Variants in SF3B3 observed in about 807,000 individuals in gnomAD.
The protein encoded by SF3B3 is splicing factor 3b subunit 3.
SF3B3 carries 33 observed loss-of-function variants against 139.2 expected under a neutral mutation model. The ratio of observed to expected loss-of-function variants is 0.24; its 90% CI spans 0.18 to 0.32. The LOEUF is 0.32. Among genes scored for constraint, SF3B3 ranks in the 10% least tolerant of loss-of-function variants. The pLI, the probability that SF3B3 is intolerant of heterozygous loss-of-function variation, is 1.00. For synonymous variants in SF3B3, 596 were observed against 563.6 expected, an observed-to-expected ratio of 1.06 and a Z score of -0.81; for missense variants, 818 against 1,509.4, an observed-to-expected ratio of 0.54 and a Z score of 7.59.
At chr16:70,527,420 A>G (rs1223877685) in intron 2 of SF3B3, among the ~76,000 whole-genome samples, 1 of 152,192 alleles carries the variant, frequency 6.6e-6, no homozygotes, top group African/African-American at 2.4e-5. Flanking sequence ...GAGGTTCATG[A>G]TTGTGTAGAG....
chr16:70,542,334 A>G (rs2050226770), intron 9 of SF3B3, among the ~76,000 whole-genome samples: 1 of 152,228 alleles, frequency 6.6e-6, no homozygotes, highest in Non-Finnish European at 1.5e-5. Flanking sequence ...TAATTTTACC[A>G]CAGTTCCTCT....
At chr16:70,530,968 T>G (rs2050115293) in intron 4 of SF3B3, 51 bp downstream of exon 4, 6 of 1,531,176 alleles carry the variant, frequency 3.9e-6, no homozygotes, top group Non-Finnish European at 5.3e-6. Context: ...TCAGTGTTTT[T>G]TTTTAAGATT....
At chr16:70,530,084 C>G (rs895561429) in intron 3 of SF3B3, among the ~76,000 whole-genome samples, 4 of 151,160 alleles carry the variant, frequency 2.6e-5, no homozygotes, top group African/African-American at 7.3e-5. Flanking sequence ...CGAGATAGCG[C>G]TACTGCACTC....
At chr16:70,545,203 A>G (rs761328973) in intron 10 of SF3B3, among the ~76,000 whole-genome samples, 36 of 152,154 alleles carry the variant, frequency 2.4e-4, no homozygotes, top group Non-Finnish European at 4.6e-4. Context: ...ATAACTGGGG[A>G]CTGCAGGCAC....
chr16:70,533,042 A>G (rs1009729296), intron 5 of SF3B3, among the ~76,000 whole-genome samples: 2 of 152,234 alleles, frequency 1.3e-5, no homozygotes, highest in African/African-American at 2.4e-5. Context: ...GACGATTACC[A>G]GATTGATCCA....
chr16:70,553,032 G>A (rs770063610), intron 11 of SF3B3, among the ~76,000 whole-genome samples: 4 of 152,018 alleles, frequency 2.6e-5, no homozygotes, highest in Non-Finnish European at 5.9e-5. Flanking sequence ...TCAGCCTCCC[G>A]AGTAGTTGGA....
intron 17 of SF3B3, among the ~76,000 whole-genome samples, chr16:70,563,106 T>C (rs918379124): frequency 2.0e-5 from 3 of 151,524 alleles, no homozygotes; most frequent in Non-Finnish European, 2.9e-5. Flanking sequence ...TAGCTGGGAC[T>C]ACAGGCGTGC....
intron 5 of SF3B3, among the ~76,000 whole-genome samples, chr16:70,533,010 A>G (rs957118475): frequency 6.6e-6 from 1 of 152,224 alleles, no homozygotes; most frequent in Non-Finnish European, 1.5e-5. Context: ...GAAAACTTAA[A>G]CAAAATAGAA....
At position 70,529,037 on chromosome 16, in the gene SF3B3, G is replaced by A; in HGVS notation, c.235G>A (p.Val79Ile). The part of the protein sequence containing the change: ...RLTGGTKDYI[V>I]VGSDSGRIVI... ...GACAGGTGGCACCAAAGACTACATT[G>A]TAGTTGGCAGTGACTCTGGTCGAAT... The change falls in exon 3 of 26, where the codon GTA (valine) becomes ATA (isoleucine). Residue 79 changes from valine (V) to isoleucine (I), a missense_variant. Around this residue, in one of 14 missense-constraint regions of SF3B3, gnomAD observed 144 missense variants for 259.2 expected, o/e 0.56. Coordinates refer to ENST00000302516, the MANE Select transcript of SF3B3 (RefSeq NM_012426.5). 6.2e-7 allele frequency: 1 copy of A among 1,614,206 alleles called. No homozygotes were observed. Among genetic ancestry groups the A allele is most frequent in the Non-Finnish European group, 8.5e-7 (1 of 1,180,028 alleles).
chr16:70,525,720 C>T (rs576349687), intron 1 of SF3B3, among the ~76,000 whole-genome samples: 49 of 152,070 alleles, frequency 3.2e-4, no homozygotes, highest in African/African-American at 9.2e-4. Context: ...GTAATCCTAG[C>T]ACTTTGGGAG....
intron 14 of SF3B3, 23 bp downstream of exon 14, chr16:70,556,357 A>C (rs764002813): frequency 6.2e-7 from 1 of 1,613,896 alleles, no homozygotes; most frequent in Non-Finnish European, 8.5e-7. Flanking sequence ...CTGAGCTTCA[A>C]GGATCATCTG....
intron 23 of SF3B3, among the ~76,000 whole-genome samples, 171 bp downstream of exon 23, chr16:70,569,312 G>A (rs1490082322): frequency 2.6e-5 from 4 of 152,176 alleles, no homozygotes; most frequent in African/African-American, 9.7e-5. Context: ...GGAGAGTAGC[G>A]AGTTTCTTAG....
chr16:70,565,464 G>T lies in SF3B3; in HGVS notation c.2766G>T (p.Gly922=), dbSNP rs1426617817. The change falls in exon 20 of 26, where the codon GGG becomes GGT. Residue 922 remains glycine, a synonymous_variant. Coordinates refer to ENST00000302516, the MANE Select transcript of SF3B3 (RefSeq NM_012426.5). ...TACTAAACCCCCGATCTGTGGCAGG[G>T]GGCTTCGTCTATACTTACAAGCTTG... The part of the protein sequence containing the change: ...DLILNPRSVA[G]GFVYTYKLVN... 5 of 1,614,062 alleles carry T rather than the reference G, an allele frequency of 3.1e-6. No individual in the cohort carries two copies. Among genetic ancestry groups the T allele is most frequent in the Non-Finnish European group, 4.2e-6 (5 of 1,180,042 alleles).
chr16:70,554,610 A>C lies in SF3B3; in HGVS notation c.1554+13A>C. The C allele has an allele frequency of 6.2e-7, 1 of 1,613,958 alleles. No homozygotes were observed. The highest frequency in any genetic ancestry group is 1.3e-5 in the African/African-American group (1 of 75,038). ...TGCCTTGGTGCAGGTGAGGGTTCTC[A>C]GAGCTTACCTACTTGGCCTGCTTTG... On this transcript the variant is annotated intron_variant, in intron 12 of 25. Transcript: ENST00000302516.
At chr16:70,567,261 C>T in intron 20 of SF3B3, 150 bp from the exon 21 acceptor site, 1 of 812,306 alleles carries the variant, frequency 1.2e-6, no homozygotes, top group South Asian at 1.8e-5. Context: ...AACTTGTTCA[C>T]CCCAACACCC....
At chr16:70,568,974 C>G in intron 22 of SF3B3, 69 bp from the exon 23 acceptor site, 2 of 1,137,532 alleles carry the variant, frequency 1.8e-6, no homozygotes, top group Admixed American at 2.1e-5. Context: ...CCTGGCCAGA[C>G]CTGTTGCTTG....
intron 6 of SF3B3, among the ~76,000 whole-genome samples, chr16:70,536,634 C>T (rs2050170691): frequency 6.6e-6 from 1 of 151,774 alleles, no homozygotes; most frequent in Non-Finnish European, 1.5e-5. Flanking sequence ...GCTGGGATTA[C>T]AGGCGTGAGC....
intron 10 of SF3B3, among the ~76,000 whole-genome samples, chr16:70,544,892 C>G (rs2050253509): frequency 6.6e-6 from 1 of 152,084 alleles, no homozygotes; most frequent in African/African-American, 2.4e-5. Context: ...AGCATGATAG[C>G]CCACATGGTC....
intron 20 of SF3B3, 28 bp downstream of exon 20, chr16:70,565,552 A>G (rs2050467699): frequency 1.3e-6 from 2 of 1,595,856 alleles, no homozygotes; most frequent in Non-Finnish European, 1.7e-6. Flanking sequence ...GTTCTCCTAG[A>G]TTTTAAGTCC....
Sources: gnomAD v4.1 joint callset for allele counts (sites outside exome capture counted in the v4.1 genomes callset) on GRCh38, gnomAD v4.1.1 for gene constraint, gnomAD v4.1.1 regional missense constraint, MANE v1.5 for transcripts, NCBI Gene and HGNC (gene_info 2026-07-23, HGNC 2026-07-21) for gene names.